The following SOX6 variants were observed in gnomAD, a reference collection of about 807,000 sequenced individuals.
SOX6 encodes SRY-box transcription factor 6, also known as transcription factor SOX-6.
In SOX6, 11 loss-of-function variants were observed where a neutral mutation model predicts 97.8. That is an observed-to-expected ratio of 0.11 (90% CI 0.07 to 0.19). The LOEUF (loss-of-function observed/expected upper bound fraction) is 0.19, where lower values mean the gene tolerates loss of function less well. Among genes scored for constraint, SOX6 ranks in the 10% least tolerant of loss-of-function variants. The pLI is 1.00. For synonymous variants in SOX6, 360 were observed against 371.4 expected (o/e 0.97, Z 0.35); for missense variants, 810 against 1,039.5 (o/e 0.78, Z 3.04).
intron 4 of SOX6, among the ~76,000 whole-genome samples, chr11:16,574,710 C>T (rs1325116287): frequency 2.0e-5 from 3 of 152,024 alleles, no homozygotes; most frequent in Admixed American, 2.0e-4. Context: ...AACAACAGTT[C>T]ATATACAGAA....
intron 3 of SOX6, among the ~76,000 whole-genome samples, chr11:16,281,528 C>T (rs1854564571): frequency 6.6e-6 from 1 of 151,926 alleles, no homozygotes; most frequent in Non-Finnish European, 1.5e-5. Context: ...TCAAAGCTTT[C>T]AGGAATAGTG....
At chr11:16,034,034 T>G (rs1287604917) in intron 12 of SOX6, among the ~76,000 whole-genome samples, 1 of 152,198 alleles carries the variant, frequency 6.6e-6, no homozygotes, top group East Asian at 1.9e-4. Context: ...AATGTTTCTT[T>G]GAACTAGAGA....
At chr11:16,125,087 G>C (rs1457508705) in intron 6 of SOX6, among the ~76,000 whole-genome samples, 1 of 151,976 alleles carries the variant, frequency 6.6e-6, no homozygotes, top group Admixed American at 6.6e-5. Context: ...TTCATTGATT[G>C]ACTGACTAAA....
chr11:16,283,960 GCA>G, intron 3 of SOX6: 2 of 389,238 alleles, frequency 5.1e-6, no homozygotes, highest in South Asian at 3.8e-5. Flanking sequence ...GTATAATTAT[GCA>G]CAGTTTCTAA....
At chr11:16,346,867 T>C (rs1373355688) in intron 1 of SOX6, among the ~76,000 whole-genome samples, 2 of 152,084 alleles carry the variant, frequency 1.3e-5, no homozygotes, top group Non-Finnish European at 1.5e-5. Context: ...CTGACTTTTC[T>C]AAGGGTCCAA....
At chr11:16,271,813 G>C (rs1371837459) in intron 3 of SOX6, among the ~76,000 whole-genome samples, 2 of 150,632 alleles carry the variant, frequency 1.3e-5, no homozygotes, top group Non-Finnish European at 3.0e-5. Flanking sequence ...ACTATATTTT[G>C]ATTAAACTGT....
At chr11:16,698,129 C>T (rs896082531) in intron 3 of SOX6, among the ~76,000 whole-genome samples, 2 of 152,212 alleles carry the variant, frequency 1.3e-5, no homozygotes. Flanking sequence ...CTCTAGCTAT[C>T]AAAGTCCTCA....
chr11:16,447,268 C>G (rs1052623455), intron 1 of SOX6, among the ~76,000 whole-genome samples: 1 of 152,128 alleles, frequency 6.6e-6, no homozygotes, highest in Non-Finnish European at 1.5e-5. Flanking sequence ...AGAGCACAGT[C>G]ATTGAATAAA....
At position 16,352,289 on chromosome 11, in the gene SOX6, TGGATGGATGGAA is replaced by T. The variant is rs766452270; in HGVS notation, c.-5+3793_-5+3804del. ...ATGGATGGATGGATGGATGGATGGA[TGGATGGATGGAA>T]GGATGGATGGATGTTGAAGAGATGG... On this transcript the variant is annotated intron_variant, in intron 1 of 15. Coordinates refer to ENST00000683767, the MANE Select transcript of SOX6 (RefSeq NM_001367873.1). Among the ~76,000 whole-genome samples, 5 of 151,384 alleles carry T rather than the reference TGGATGGATGGAA, an allele frequency of 3.3e-5. No individual in the cohort carries two copies. The East Asian group carries it at 7.8e-4, about 24-fold the overall frequency.
At chr11:16,075,958 A>C (rs917979854) in intron 9 of SOX6, among the ~76,000 whole-genome samples, 3 of 152,054 alleles carry the variant, frequency 2.0e-5, no homozygotes, top group Non-Finnish European at 4.4e-5. Flanking sequence ...TGATTCAATT[A>C]CCTCTCACTG....
In SOX6 at chr11:16,443,013, A is replaced by G. The variant is rs2133087600; in HGVS notation, c.-5+33302T>C. Among the ~76,000 whole-genome samples the G allele has an allele frequency of 1.3e-5, 2 of 152,216 alleles. 1 individual carries two copies. Among genetic ancestry groups the G allele is most frequent in the Middle Eastern group, 6.8e-3 (2 of 294 alleles). ...CATTCCCTCTGCCCCACATGCAGCAATCATACTGAACTTTTTAGAATTCCT... is the reference window on the plus strand; with the variant it reads ...CATTCCCTCTGCCCCACATGCAGCAGTCATACTGAACTTTTTAGAATTCCT... On this transcript the variant is annotated intron_variant, in intron 1 of 15. Coordinates refer to the SOX6 transcript ENST00000396356.
chr11:16,135,790 C>G (rs1457554985), intron 6 of SOX6, among the ~76,000 whole-genome samples: 1 of 152,168 alleles, frequency 6.6e-6, no homozygotes, highest in East Asian at 1.9e-4. Context: ...GCATGTAAGG[C>G]TTTGAGAGGA....
intron 3 of SOX6, among the ~76,000 whole-genome samples, chr11:16,680,107 GAAC>G (rs2134029132): frequency 6.6e-6 from 1 of 152,142 alleles, no homozygotes; most frequent in East Asian, 1.9e-4. Flanking sequence ...GAAATACAGA[GAAC>G]ACCACAAAGA....
intron 3 of SOX6, among the ~76,000 whole-genome samples, chr11:16,688,301 T>C (rs1847984552): frequency 6.6e-6 from 1 of 152,198 alleles, no homozygotes; most frequent in Non-Finnish European, 1.5e-5. Context: ...GAGTTTCTTA[T>C]GATTGGAGCT....
At chr11:16,590,800 G>T (rs1848141044) in intron 4 of SOX6, among the ~76,000 whole-genome samples, 1 of 151,978 alleles carries the variant, frequency 6.6e-6, no homozygotes, top group African/African-American at 2.4e-5. Flanking sequence ...GTTACCAGAG[G>T]CTGGGAAGGG....
chr11:16,638,310 G>T (rs1396315895), intron 3 of SOX6, among the ~76,000 whole-genome samples: 2 of 151,992 alleles, frequency 1.3e-5, no homozygotes, highest in African/African-American at 2.4e-5. Flanking sequence ...TATCATTGTT[G>T]GACATTTGGG....
chr11:16,715,071 A>G (rs2134050077), intron 2 of SOX6, among the ~76,000 whole-genome samples: 1 of 152,310 alleles, frequency 6.6e-6, no homozygotes, highest in Middle Eastern at 3.4e-3. Context: ...CTTGTACAGC[A>G]TGGGACCTGC....
At position 16,384,862 on chromosome 11, in the gene SOX6, G is replaced by A. The variant is rs79701468; in HGVS notation, c.-4-43610C>T. Among the ~76,000 whole-genome samples the A allele has an allele frequency of 7.1e-3, 1,078 of 151,998 alleles. 9 individuals are homozygous for A. Among genetic ancestry groups the A allele is most frequent in the African/African-American group, 0.025 (1,031 of 41,504 alleles). ...TGACCTGTAGTATCTATCTCTCTTT[G>A]GAATTGTCCCACTGAAGACCATGTA... On this transcript the variant is annotated intron_variant, in intron 1 of 15. Coordinates refer to the SOX6 transcript ENST00000396356.
chr11:16,386,614 T>C (rs1322275570), intron 1 of SOX6, among the ~76,000 whole-genome samples: 1 of 152,228 alleles, frequency 6.6e-6, no homozygotes, highest in East Asian at 1.9e-4. Context: ...TATCTGTTCT[T>C]AGAGCTTGCA....
Sources: gnomAD v4.1 joint callset for allele counts (sites outside exome capture counted in the v4.1 genomes callset) on GRCh38, gnomAD v4.1.1 for gene constraint, MANE v1.5 for transcripts, NCBI Gene and HGNC (gene_info 2026-07-23, HGNC 2026-07-21) for gene names.